DDX10: variants seen among roughly 807,000 people sequenced by gnomAD.
The protein encoded by DDX10 is DEAD-box helicase 10.
In DDX10, 74 loss-of-function variants were observed where a neutral mutation model predicts 104.3. The ratio of observed to expected loss-of-function variants is 0.71; its 90% CI spans 0.59 to 0.86. The LOEUF (loss-of-function observed/expected upper bound fraction) is 0.86. DDX10 is among the 40% of genes least tolerant of loss of function. The pLI is 0.00. For missense variants in DDX10, 952 were observed against 1,040.0 expected (o/e 0.92, Z 1.16); for synonymous variants, 351 against 353.4 (o/e 0.99, Z 0.08).
chr11:108,675,689 A>G lies in DDX10; in HGVS notation c.341A>G (p.Lys114Arg), dbSNP rs145370237. Residue 114 changes from lysine (K) to arginine (R), a missense_variant, in exon 3 of 18, where the codon AAA becomes AGA. Around this residue, in one of 3 missense-constraint regions of DDX10, gnomAD observed 412 missense variants for 479.2 expected, o/e 0.86. Coordinates refer to ENST00000322536, the MANE Select transcript of DDX10 (RefSeq NM_004398.4). ...GGTAAAGATGTACTTGGAGCGGCCAAAACTGGATCTGGCAAGACTCTGGCT... is the reference window on the plus strand; with the variant it reads ...GGTAAAGATGTACTTGGAGCGGCCAGAACTGGATCTGGCAAGACTCTGGCT... ...LQGKDVLGAA[K>R]TGSGKTLAFL... 6.2e-7 allele frequency: 1 copy of G among 1,614,228 alleles called. No homozygotes were observed. Among genetic ancestry groups the G allele is most frequent in the Non-Finnish European group, 8.5e-7 (1 of 1,180,026 alleles).
chr11:108,911,426 T>C (rs955510391), intron 16 of DDX10, among the ~76,000 whole-genome samples: 2 of 152,092 alleles, frequency 1.3e-5, no homozygotes, highest in African/African-American at 4.8e-5. Flanking sequence ...GATGGTACCT[T>C]CTTGCTGTGT....
At chr11:108,828,308 A>G (rs531614143) in intron 13 of DDX10, among the ~76,000 whole-genome samples, 15 of 151,962 alleles carry the variant, frequency 9.9e-5, no homozygotes, top group South Asian at 4.2e-4. Flanking sequence ...GCCATCCCCA[A>G]CCCTTTCCCC....
intron 13 of DDX10, among the ~76,000 whole-genome samples, chr11:108,790,885 C>A (rs986237814): frequency 5.3e-5 from 8 of 152,132 alleles, no homozygotes; most frequent in Non-Finnish European, 1.0e-4. Context: ...AGATGAGATC[C>A]TGTTGTCTTC....
chr11:108,707,229 T>G (rs1234418934), intron 10 of DDX10, among the ~76,000 whole-genome samples: 3 of 152,246 alleles, frequency 2.0e-5, no homozygotes, highest in Admixed American at 6.5e-5. Flanking sequence ...CATATGGCAG[T>G]TTTCACTGCT....
chr11:108,766,274 A>G (rs1471083274), intron 13 of DDX10, among the ~76,000 whole-genome samples: 1 of 152,188 alleles, frequency 6.6e-6, no homozygotes, highest in Non-Finnish European at 1.5e-5. Context: ...TTTGTATCGT[A>G]TCCGCTGTTA....
chr11:108,884,157 G>A (rs1048607168), intron 16 of DDX10, among the ~76,000 whole-genome samples: 1 of 152,050 alleles, frequency 6.6e-6, no homozygotes, highest in Non-Finnish European at 1.5e-5. Flanking sequence ...TGTCTATTAG[G>A]CATTTCAAAT....
At position 108,700,042 on chromosome 11, in the gene DDX10, C is replaced by T. The variant is rs893040709; in HGVS notation, c.1223+6442C>T. 2.8e-4 allele frequency among the ~76,000 whole-genome samples: 43 copies of T among 152,110 alleles called. 1 individual carries two copies. Among genetic ancestry groups the T allele is most frequent in the Admixed American group, 2.6e-3 (40 of 15,284 alleles). On this transcript the variant is annotated intron_variant, in intron 9 of 17. Transcript: ENST00000322536. ...CAACCATGGTGCATCCTATTAAAAG[C>T]CTCTCATAGGTGAGGACTCTCACCT...
intron 16 of DDX10, among the ~76,000 whole-genome samples, chr11:108,912,576 G>A (rs1218374879): frequency 2.0e-5 from 3 of 152,174 alleles, no homozygotes; most frequent in Non-Finnish European, 2.9e-5. Flanking sequence ...ACAGCAGTGA[G>A]TTTCCAGCCA....
At chr11:108,809,413 A>G (rs1356664236) in intron 13 of DDX10, among the ~76,000 whole-genome samples, 1 of 152,194 alleles carries the variant, frequency 6.6e-6, no homozygotes, top group African/African-American at 2.4e-5. Flanking sequence ...TTACAGTGAA[A>G]ACAGGAAACA....
chr11:108,858,713 TA>T (rs1324916956), intron 16 of DDX10, among the ~76,000 whole-genome samples: 1 of 152,220 alleles, frequency 6.6e-6, no homozygotes, highest in Non-Finnish European at 1.5e-5. Flanking sequence ...AAGAATTTAA[TA>T]AATTCTTAAA....
At chr11:108,681,100 G>A (rs147372301) in intron 6 of DDX10, among the ~76,000 whole-genome samples, 1 of 152,130 alleles carries the variant, frequency 6.6e-6, no homozygotes, top group African/African-American at 2.4e-5. Flanking sequence ...TTTGCCTCCA[G>A]CCTATTTTTA....
At chr11:108,675,272 A>T (rs2094222844) in intron 2 of DDX10, among the ~76,000 whole-genome samples, 1 of 152,200 alleles carries the variant, frequency 6.6e-6, no homozygotes, top group Non-Finnish European at 1.5e-5. Flanking sequence ...AACCCTTTGG[A>T]TTATACCCAG....
chr11:108,738,542 T>C (rs2094321090), intron 13 of DDX10, among the ~76,000 whole-genome samples: 1 of 152,094 alleles, frequency 6.6e-6, no homozygotes, highest in East Asian at 1.9e-4. Flanking sequence ...ACCTATCTAG[T>C]TTCCAGTGTG....
chr11:108,923,534 T>C (rs1216953047), intron 17 of DDX10, among the ~76,000 whole-genome samples: 1 of 152,224 alleles, frequency 6.6e-6, no homozygotes, highest in Non-Finnish European at 1.5e-5. Context: ...CATCCATTCT[T>C]TCAACTAAAA....
At chr11:108,867,587 A>G (rs1284189998) in intron 16 of DDX10, among the ~76,000 whole-genome samples, 1 of 152,224 alleles carries the variant, frequency 6.6e-6, no homozygotes, top group Non-Finnish European at 1.5e-5. Context: ...TATGGAGTAC[A>G]TTCATTCTGC....
Position 108,841,453 on chromosome 11 carries a change from A to G in DDX10, c.2224A>G (p.Lys742Glu), listed in dbSNP as rs533802188. The stretch of plus-strand genomic sequence containing the variant: ...CAAATTTGACAAAGAAGAATATAGG[A>G]AAAAAATTAAGGCAAAGCATCGGGT... ...EDKFDKEEYR[K>E]KIKAKHREKR... is the part of the protein sequence containing the mutation. Residue 742 changes from lysine (K) to glutamate (E), a missense_variant, in exon 15 of 18, where the codon AAA becomes GAA. Physicochemically the swap from Lys to Glu is moderately conservative, Grantham distance 56. Around this residue, in one of 3 missense-constraint regions of DDX10, gnomAD observed 533 missense variants for 534.1 expected, o/e 1.00. Transcript: ENST00000322536. 6.2e-7 allele frequency: 1 copy of G among 1,613,554 alleles called. No individual in the cohort carries two copies. The highest frequency in any genetic ancestry group is 8.5e-7 in the Non-Finnish European group (1 of 1,179,646).
chr11:108,767,021 C>A lies in DDX10; in HGVS notation c.1965+43559C>A, dbSNP rs369978726. Reference sequence around the variant, plus strand: ...TAAGTGGTTGTTGGGGCAAGGGACTCTTCCACTTTTGGGGTACCAGCTGTT... The same window carrying A: ...TAAGTGGTTGTTGGGGCAAGGGACTATTCCACTTTTGGGGTACCAGCTGTT... On this transcript the variant is annotated intron_variant, in intron 13 of 17. Transcript: ENST00000322536. Among the ~76,000 whole-genome samples, 7 of 152,306 alleles carry A rather than the reference C, an allele frequency of 4.6e-5. No homozygotes were observed. In the East Asian group the frequency reaches 7.7e-4, roughly 17 times the overall value.
intron 6 of DDX10, among the ~76,000 whole-genome samples, chr11:108,685,834 A>G (rs188243099): frequency 6.6e-6 from 1 of 152,336 alleles, no homozygotes; most frequent in African/African-American, 2.4e-5. Context: ...TCAGGATAAT[A>G]CCAATATTAT....
chr11:108,778,140 G>A lies in DDX10; in HGVS notation c.1965+54678G>A, dbSNP rs559868758. 1.5e-3 allele frequency among the ~76,000 whole-genome samples: 227 copies of A among 152,214 alleles called. 1 individual carries two copies. Among genetic ancestry groups the A allele is most frequent in the African/African-American group, 4.9e-3 (202 of 41,534 alleles). Reference sequence around the variant, plus strand: ...CTGCCCAAGGTAATTTATAGATTCAGTGCCATCCCCATCAAGCTCCAATGA... The same window carrying A: ...CTGCCCAAGGTAATTTATAGATTCAATGCCATCCCCATCAAGCTCCAATGA... On this transcript the variant is annotated intron_variant, in intron 13 of 17. Coordinates refer to ENST00000322536, the MANE Select transcript of DDX10 (RefSeq NM_004398.4).
Sources: allele counts gnomAD v4.1 joint callset (sites outside exome capture counted in the v4.1 genomes callset), GRCh38; gene constraint gnomAD v4.1.1; regional missense constraint gnomAD v4.1.1; transcripts MANE v1.5; gene names NCBI Gene and HGNC (gene_info 2026-07-23, HGNC 2026-07-21).